The following PHF10 variants were observed in gnomAD, a reference collection of about 807,000 sequenced individuals.
PHF10 encodes BRG1-associated factor 45a.
A neutral mutation model predicts 68.5 loss-of-function variants in PHF10; 51 were observed. The observed-to-expected ratio is 0.74, with a 90% confidence interval of 0.59 to 0.94. The LOEUF (loss-of-function observed/expected upper bound fraction) is 0.94, where lower values mean the gene tolerates loss of function less well. Among genes scored for constraint, PHF10 ranks in the 40% least tolerant of loss-of-function variants. The probability of loss-of-function intolerance (pLI) is 0.00; values close to 1 mark genes in which losing one functional copy is unlikely to be tolerated. For synonymous variants in PHF10, 204 were observed against 203.5 expected, an observed-to-expected ratio of 1.00 and a Z score of -0.02; for missense variants, 460 against 602.6, an observed-to-expected ratio of 0.76 and a Z score of 2.48.
Position 169,721,061 on chromosome 6 carries a change from C to T in PHF10, c.138G>A (p.Arg46=). 1 of 1,547,542 alleles carries T rather than the reference C, an allele frequency of 6.5e-7. No individual in the cohort carries two copies. Among genetic ancestry groups the T allele is most frequent in the South Asian group, 1.2e-5 (1 of 83,874 alleles). The change falls in exon 2 of 12, where the codon AGG becomes AGA. Residue 46 remains arginine, a synonymous_variant. Transcript: ENST00000339209. ...SNDGTQPSKR[R]RMGSGDSSRS... is the part of the protein sequence containing the mutation. ...TAGAACTATCTCCTGAGCCCATTCG[C>T]CTCCTTTTGGATGGCTGGGTCCCAT...
Position 169,723,853 on chromosome 6 carries a change from A to G in PHF10, c.79T>C (p.Ser27Pro), listed in dbSNP as rs2128332107. 9.3e-7 allele frequency: 1 copy of G among 1,078,260 alleles called. No homozygotes were observed. The highest frequency in any genetic ancestry group is 1.1e-6 in the Non-Finnish European group (1 of 878,190). The allele number at this position is 1,078,260 out of a possible 1,614,324, so 66.8% of individuals were successfully genotyped here. ...DSDPATPGAQSPKDDNEDNSN... is the reference protein window; with the variant it reads ...DSDPATPGAQPPKDDNEDNSN... ...ACCGGCCGCTTCCTCACCTTCGGGG[A>G]CTGCGCTCCGGGGGTGGCTGGGTCG... The change falls in exon 1 of 12, where the codon TCC becomes CCC. Residue 27 changes from serine (S) to proline (P), a missense_variant. Physicochemically the swap from Ser to Pro is moderately conservative, Grantham distance 74 (BLOSUM62 -1). This residue lies in a region of PHF10 where 93 missense variants were observed against 82.4 expected (regional missense o/e 1.13). Coordinates refer to ENST00000339209, the MANE Select transcript of PHF10 (RefSeq NM_018288.4).
chr6:169,710,445 T>A, intron 8 of PHF10, 54 bp from the exon 9 acceptor site: 1 of 1,321,702 alleles, frequency 7.6e-7, no homozygotes, highest in Non-Finnish European at 1.1e-6. Context: ...CAAATTTGAG[T>A]CTGGATTTTG....
At chr6:169,707,771 G>A (rs1788837640) in intron 9 of PHF10, 1 of 152,150 alleles carries the variant, frequency 6.6e-6, no homozygotes. Context: ...AAATCATAAT[G>A]ATTTGTTAAA....
At position 169,716,100 on chromosome 6, in the gene PHF10, C is replaced by A; in HGVS notation, c.410-12G>T. ...CAATGCTGTTAAGCCTATTTTAGAC[C>A]AAAAAATAAAAAAATAAAGAAGCTC... On this transcript the variant is annotated splice_polypyrimidine_tract_variant and intron_variant, in intron 4 of 11. Coordinates refer to ENST00000339209, the MANE Select transcript of PHF10 (RefSeq NM_018288.4). The A allele has an allele frequency of 2.0e-6, 3 of 1,517,602 alleles. No homozygotes were observed. Among genetic ancestry groups the A allele is most frequent in the Non-Finnish European group, 1.8e-6 (2 of 1,129,672 alleles). The allele number at this position is 1,517,602 out of a possible 1,614,324, so 94.0% of individuals were successfully genotyped here.
chr6:169,712,319 A>T, intron 8 of PHF10, 67 bp downstream of exon 8: 1 of 1,351,714 alleles, frequency 7.4e-7, no homozygotes, highest in Non-Finnish European at 1.1e-6. Context: ...GGGTGATGAC[A>T]GAAATTCAAT....
chr6:169,721,162 C>G (rs1323865344), intron 1 of PHF10, 51 bp from the exon 2 acceptor site: 1 of 1,010,982 alleles, frequency 9.9e-7, no homozygotes, highest in Non-Finnish European at 1.5e-6. Flanking sequence ...AATAAAAGAA[C>G]AGTAAGTCTC....
At chr6:169,705,054 T>C (rs1189861007) in intron 11 of PHF10, 79 bp downstream of exon 11, 7 of 1,050,430 alleles carry the variant, frequency 6.7e-6, no homozygotes, top group Non-Finnish European at 2.8e-6. Flanking sequence ...CATGTCATGA[T>C]AGCGTTTATG....
chr6:169,718,737 T>C (rs746585412), intron 3 of PHF10, 51 bp downstream of exon 3: 100 of 1,028,362 alleles, frequency 9.7e-5, no homozygotes, highest in Non-Finnish European at 1.4e-4. Context: ...TGACAGTGTA[T>C]CATAAAGAAT....
In PHF10 at chr6:169,704,574, T is replaced by C. The variant is rs143235860; in HGVS notation, c.1412-486A>G. 943 of 170,356 alleles carry C rather than the reference T, an allele frequency of 5.5e-3. 6 individuals are homozygous for C. Among genetic ancestry groups the C allele is most frequent in the African/African-American group, 0.021 (891 of 41,696 alleles). 10.6% of individuals were successfully genotyped at this position (170,356 alleles called of 1,614,324 possible). A position where few individuals can be genotyped will look rare whatever the true frequency, so the allele number is the denominator to read the frequency against. ...CTGAATTACTACAGAAAAATAATTA[T>C]GTTGCTTGCTTAATGATTCCCAGGA... On this transcript the variant is annotated intron_variant, in intron 11 of 11. Coordinates refer to ENST00000339209, the MANE Select transcript of PHF10 (RefSeq NM_018288.4).
rs140825392 is a variant in PHF10, at chr6:169,704,394, A to G, written c.1412-306T>C. The G allele has an allele frequency of 7.3e-4, 238 of 324,908 alleles. 2 individuals are homozygous for G. The East Asian group carries it at 0.011, about 15-fold the overall frequency. 20.1% of individuals were successfully genotyped at this position (324,908 alleles called of 1,614,324 possible). On this transcript the variant is annotated intron_variant, in intron 11 of 11. Transcript: ENST00000339209. ...AACACTATCATACTTCAAAAGGTCA[A>G]AACCCATTCCGGAATTTGGCTTTTT...
intron 2 of PHF10, 67 bp from the exon 3 acceptor site, chr6:169,718,985 G>T: frequency 9.4e-7 from 1 of 1,063,532 alleles, no homozygotes; most frequent in Non-Finnish European, 1.4e-6. Context: ...CTTTTATTGA[G>T]GATATTTTGA....
rs189099222 is a variant in PHF10 at position 169,719,008 on chromosome 6, G to A, written c.195-90C>T. On this transcript the variant is annotated intron_variant, in intron 2 of 11. Transcript: ENST00000339209. ...GAGGATATTTTGAAAACTATTTTAA[G>A]TATTTAAATTATTTGCCTCCTATGA... 6.2e-5 allele frequency: 55 copies of A among 881,604 alleles called. 2 individuals are homozygous for A. In the East Asian group the frequency reaches 1.4e-3, roughly 22 times the overall value. The allele number at this position is 881,604 out of a possible 1,614,324, so 54.6% of individuals were successfully genotyped here.
chr6:169,716,611 A>T (rs2128330614), intron 4 of PHF10, among the ~76,000 whole-genome samples: 1 of 152,330 alleles, frequency 6.6e-6, no homozygotes, highest in East Asian at 1.9e-4. Flanking sequence ...CCAAGAATTT[A>T]TATAAAAAGT....
At chr6:169,711,993 A>T (rs1562986207) in intron 8 of PHF10, among the ~76,000 whole-genome samples, 1 of 152,210 alleles carries the variant, frequency 6.6e-6, no homozygotes, top group Non-Finnish European at 1.5e-5. Flanking sequence ...TACTAAACAT[A>T]ATATTTTCCT....
intron 11 of PHF10, chr6:169,704,392 C>G (rs1372899829): frequency 1.8e-5 from 6 of 327,990 alleles, no homozygotes; most frequent in Non-Finnish European, 3.4e-5. Flanking sequence ...TTCAAAAGGT[C>G]AAAACCCATT....
intron 5 of PHF10, 37 bp from the exon 6 acceptor site, chr6:169,715,894 C>G: frequency 4.4e-6 from 7 of 1,598,738 alleles, no homozygotes; most frequent in Non-Finnish European, 6.0e-6. Context: ...TCACATATAA[C>G]TTTCTAAAAT....
chr6:169,715,644 T>C (rs942743688), intron 6 of PHF10, 64 bp downstream of exon 6: 11 of 1,314,884 alleles, frequency 8.4e-6, no homozygotes, highest in Admixed American at 3.6e-5. Context: ...AAGGGGGTGA[T>C]GGGCACTCTG....
At position 169,712,485 on chromosome 6, in the gene PHF10, G is replaced by C. The variant is rs1442464333; in HGVS notation, c.858C>G (p.Pro286=). ...GAGCAGGGAGCTCAGGATCCAGAGG[G>C]GGCTCATACAGGGCTGTGTTTAATG... is the stretch of plus-strand genomic sequence containing the variant. ...YLPLNTALYE[P]PLDPELPALD... is the part of the protein sequence containing the mutation. The change falls in exon 8 of 12, where the codon CCC becomes CCG. Residue 286 remains proline, a synonymous_variant. Coordinates refer to ENST00000339209, the MANE Select transcript of PHF10 (RefSeq NM_018288.4). 1 of 1,613,680 alleles carries C rather than the reference G, an allele frequency of 6.2e-7. No homozygotes were observed. Among genetic ancestry groups the C allele is most frequent in the Non-Finnish European group, 8.5e-7 (1 of 1,179,622 alleles).
intron 6 of PHF10, among the ~76,000 whole-genome samples, chr6:169,715,331 C>A (rs1789021803): frequency 6.6e-6 from 1 of 152,082 alleles, no homozygotes; most frequent in South Asian, 2.1e-4. Context: ...TTAAAAATAA[C>A]ATCTCAACTT....
Sources: gnomAD v4.1 joint callset for allele counts (sites outside exome capture counted in the v4.1 genomes callset) on GRCh38, gnomAD v4.1.1 for gene constraint, gnomAD v4.1.1 regional missense constraint, MANE v1.5 for transcripts, NCBI Gene and HGNC (gene_info 2026-07-23, HGNC 2026-07-21) for gene names.